The following ILRUN variants were observed in gnomAD, a reference collection of about 807,000 sequenced individuals.
ILRUN encodes protein ILRUN.
ILRUN carries 3 observed loss-of-function variants against 33.8 expected under a neutral mutation model. The observed-to-expected ratio is 0.09, with a 90% CI of 0.04 to 0.23. The LOEUF (loss-of-function observed/expected upper bound fraction) is 0.23. Ranked by LOEUF, ILRUN falls within the 10% of genes least tolerant of loss-of-function variation. The pLI is 1.00. For synonymous variants in ILRUN, 124 were observed against 138.9 expected, an observed-to-expected ratio of 0.89 and a Z score of 0.75; for missense variants, 210 against 375.1, an observed-to-expected ratio of 0.56 and a Z score of 3.64.
intron 3 of ILRUN, among the ~76,000 whole-genome samples, chr6:34,627,263 C>T (rs1762155475): frequency 6.6e-6 from 1 of 152,146 alleles, no homozygotes; most frequent in Non-Finnish European, 1.5e-5. Flanking sequence ...GAGTTATACT[C>T]CATTGTCTAG....
chr6:34,696,497 C>T lies in ILRUN; in HGVS notation c.107G>A (p.Gly36Asp). 6.2e-7 allele frequency: 1 copy of T among 1,611,864 alleles called. No individual in the cohort carries two copies. Among genetic ancestry groups the T allele is most frequent in the Non-Finnish European group, 8.5e-7 (1 of 1,179,316 alleles). Residue 36 changes from glycine to aspartate, a missense_variant, in exon 1 of 5, where the codon GGC (glycine) becomes GAC (aspartate). This residue lies in a region of ILRUN where 61 missense variants were observed against 94.4 expected (regional missense o/e 0.65). Coordinates refer to ENST00000374023, the MANE Select transcript of ILRUN (RefSeq NM_024294.4). The part of the protein sequence containing the change: ...VLISEFQRLL[G>D]FQLNPAGCAF... ...GCAACCGGCAGGATTGAGCTGGAAG[C>T]CGAGCAGCCTCTGGAACTCGGAGAT...
At chr6:34,601,470 C>T (rs1393351850) in intron 4 of ILRUN, among the ~76,000 whole-genome samples, 1 of 139,988 alleles carries the variant, frequency 7.1e-6, no homozygotes, top group African/African-American at 2.8e-5. Context: ...TACACTGGTG[C>T]CCTCTTAATG....
intron 1 of ILRUN, among the ~76,000 whole-genome samples, chr6:34,656,193 A>G (rs1762767797): frequency 6.8e-6 from 1 of 146,464 alleles, no homozygotes; most frequent in East Asian, 2.0e-4. Context: ...CCAAGATAGC[A>G]CCATTGCACT....
At chr6:34,616,624 T>C in intron 3 of ILRUN, 1 of 1,566,526 alleles carries the variant, frequency 6.4e-7, no homozygotes, top group Admixed American at 1.7e-5. Flanking sequence ...TGAAGATCAA[T>C]CGCCTGAGAA....
rs1021110277 is a variant in ILRUN, at chr6:34,683,441, C to T, written c.158+13005G>A. ...ATACATATATATACATATATATATACATATATATATACATATATATACATA... is the reference window on the plus strand; with the variant it reads ...ATACATATATATACATATATATATATATATATATATACATATATATACATA... On this transcript the variant is annotated intron_variant, in intron 1 of 4. Transcript: ENST00000374023. Among the ~76,000 whole-genome samples the T allele has an allele frequency of 8.3e-3, 999 of 119,998 alleles. 9 individuals carry two copies. Among genetic ancestry groups the T allele is most frequent in the Non-Finnish European group, 0.011 (690 of 60,384 alleles). The allele number at this position is 119,998 out of a possible 152,430, so 78.7% of individuals were successfully genotyped here. A position where few individuals can be genotyped will look rare whatever the true frequency, so the allele number is the denominator to read the frequency against.
At position 34,587,818 on chromosome 6, in the gene ILRUN, C is replaced by T. The variant is rs764979343; in HGVS notation, c.*2747G>A. 1.6e-5 allele frequency: 6 copies of T among 381,854 alleles called. No individual in the cohort carries two copies. Among genetic ancestry groups the T allele is most frequent in the African/African-American group, 4.1e-5 (2 of 48,326 alleles). The allele number at this position is 381,854 out of a possible 1,614,324, so 23.7% of individuals were successfully genotyped here. ...CATCCATCCACACACACACACCTCACTCCATGCACACTGACAGATTCTTCC... is the reference window on the plus strand; with the variant it reads ...CATCCATCCACACACACACACCTCATTCCATGCACACTGACAGATTCTTCC... On this transcript the variant is annotated 3_prime_UTR_variant, in exon 5 of 5. Transcript: ENST00000374023.
Position 34,665,949 on chromosome 6 carries a change from T to TA in ILRUN, c.159-11171dup, listed in dbSNP as rs201865272. On this transcript the variant is annotated intron_variant, in intron 1 of 4. Coordinates refer to ENST00000374023, the MANE Select transcript of ILRUN (RefSeq NM_024294.4). Reference sequence around the variant, plus strand: ...AAGTACCTTCAGTTTCATCTATGCTTAAAAAAAAAAAAAAAAAATGCTGGC... The same window carrying TA: ...AAGTACCTTCAGTTTCATCTATGCTTAAAAAAAAAAAAAAAAAAATGCTGGC... Among the ~76,000 whole-genome samples, 693 of 134,398 alleles carry TA rather than the reference T, an allele frequency of 5.2e-3. 4 individuals carry two copies. The highest frequency in any genetic ancestry group is 0.016 in the South Asian group (69 of 4,266). The allele number at this position is 134,398 out of a possible 152,430, so 88.2% of individuals were successfully genotyped here. A position where few individuals can be genotyped will look rare whatever the true frequency, so the allele number is the denominator to read the frequency against.
intron 4 of ILRUN, 87 bp downstream of exon 4, chr6:34,606,468 C>A (rs1761632429): frequency 6.6e-6 from 7 of 1,054,952 alleles, no homozygotes; most frequent in Non-Finnish European, 9.7e-6. Flanking sequence ...TGGGGAGCGG[C>A]AGTCTAGGAT....
intron 2 of ILRUN, among the ~76,000 whole-genome samples, chr6:34,653,384 C>T (rs921200893): frequency 3.3e-5 from 5 of 151,868 alleles, no homozygotes; most frequent in South Asian, 2.1e-4. Context: ...GTGCCCAACA[C>T]CATACCCGGT....
chr6:34,612,084 GA>G (rs145122846), intron 3 of ILRUN, among the ~76,000 whole-genome samples: 42 of 152,286 alleles, frequency 2.8e-4, no homozygotes, highest in Non-Finnish European at 4.6e-4. Flanking sequence ...TGGAGACCCT[GA>G]TTCTAAAATG....
chr6:34,683,999 T>C (rs1763463274), intron 1 of ILRUN, among the ~76,000 whole-genome samples: 1 of 151,668 alleles, frequency 6.6e-6, no homozygotes, highest in Non-Finnish European at 1.5e-5. Flanking sequence ...CAGGGAGGCA[T>C]ATGGGGGAGG....
At chr6:34,689,733 T>G (rs1763608409) in intron 1 of ILRUN, among the ~76,000 whole-genome samples, 1 of 151,746 alleles carries the variant, frequency 6.6e-6, no homozygotes, top group African/African-American at 2.4e-5. Flanking sequence ...ATATCTAGAT[T>G]CTAATTTCAT....
intron 3 of ILRUN, among the ~76,000 whole-genome samples, chr6:34,613,063 T>C (rs1761794180): frequency 1.3e-5 from 2 of 151,450 alleles, no homozygotes; most frequent in African/African-American, 2.4e-5. Context: ...AAAAAAAAAT[T>C]TGTTACATGT....
At chr6:34,614,493 ATAT>A (rs1344218425) in intron 3 of ILRUN, among the ~76,000 whole-genome samples, 12 of 139,134 alleles carry the variant, frequency 8.6e-5, no homozygotes, top group Non-Finnish European at 1.8e-4. Context: ...ATTATTATAT[ATAT>A]TATATTTTAT....
chr6:34,695,463 A>G (rs1316382084), intron 1 of ILRUN, among the ~76,000 whole-genome samples: 10 of 152,254 alleles, frequency 6.6e-5, no homozygotes, highest in Admixed American at 6.5e-4. Flanking sequence ...AACGACAGCA[A>G]GTGCTACTTC....
chr6:34,616,149 T>C (rs1005712399), intron 3 of ILRUN, among the ~76,000 whole-genome samples: 2 of 152,146 alleles, frequency 1.3e-5, no homozygotes, highest in African/African-American at 4.8e-5. Context: ...ATGCTTCTGA[T>C]CTTTAGAGCA....
rs2127322535 is a variant in ILRUN at position 34,606,904 on chromosome 6, T to C, written c.512A>G (p.Asp171Gly). The C allele has an allele frequency of 1.2e-6, 2 of 1,602,874 alleles. No individual in the cohort carries two copies. Among genetic ancestry groups the C allele is most frequent in the South Asian group, 2.2e-5 (2 of 89,852 alleles). ...CACACTGAGAATCACCCAGATGACA[T>C]CTGAAACAAAAAGGTAACTCATTTC... is the stretch of plus-strand genomic sequence containing the variant. ...MCTATGLYYG[D>G]VIWVILSVEV... The change falls in exon 4 of 5, where the codon GAT (aspartate) becomes GGT (glycine). Residue 171 changes from aspartate to glycine, a missense_variant and splice_region_variant. Transcript: ENST00000374023.
intron 3 of ILRUN, among the ~76,000 whole-genome samples, chr6:34,615,347 G>C (rs984425469): frequency 6.6e-6 from 1 of 152,158 alleles, no homozygotes; most frequent in African/African-American, 2.4e-5. Context: ...TGTAGTCCCA[G>C]AACTTTGGGA....
In ILRUN at chr6:34,652,372, C is replaced by T. The variant is rs557748321; in HGVS notation, c.313+2253G>A. The stretch of plus-strand genomic sequence containing the variant: ...TGTTACAACTAAAAAGGAAAGGGGG[C>T]GAATGAAATTTTACAAAGTCACAGG... On this transcript the variant is annotated intron_variant, in intron 2 of 4. Coordinates refer to ENST00000374023, the MANE Select transcript of ILRUN (RefSeq NM_024294.4). Among the ~76,000 whole-genome samples, 7 of 152,178 alleles carry T rather than the reference C, an allele frequency of 4.6e-5. No individual in the cohort carries two copies. In the East Asian group the frequency reaches 5.8e-4, roughly 13 times the overall value.
Sources: gnomAD v4.1 joint callset for allele counts (sites outside exome capture counted in the v4.1 genomes callset) on GRCh38, gnomAD v4.1.1 for gene constraint, gnomAD v4.1.1 regional missense constraint, MANE v1.5 for transcripts, NCBI Gene and HGNC (gene_info 2026-07-23, HGNC 2026-07-21) for gene names.